Variants in IL12RB1 observed in about 807,000 individuals in gnomAD.
The protein encoded by IL12RB1 is interleukin 12 receptor subunit beta 1, also known as interleukin-12 receptor subunit beta-1.
In IL12RB1, 64 loss-of-function variants were observed where a neutral mutation model predicts 94.4. That is an observed-to-expected ratio of 0.68 (90% CI 0.55 to 0.83). The LOEUF (loss-of-function observed/expected upper bound fraction) is 0.83. Ranked by LOEUF, IL12RB1 falls within the 40% of genes least tolerant of loss-of-function variation. The probability of loss-of-function intolerance (pLI) is 0.00; values close to 1 mark genes in which losing one functional copy is unlikely to be tolerated. For synonymous variants in IL12RB1, 362 were observed against 355.5 expected (o/e 1.02, Z -0.21); for missense variants, 814 against 855.6 (o/e 0.95, Z 0.61).
At chr19:18,080,664 A>G (rs889090795) in intron 4 of IL12RB1, among the ~76,000 whole-genome samples, 168 bp downstream of exon 4, 2 of 152,224 alleles carry the variant, frequency 1.3e-5, no homozygotes, top group Non-Finnish European at 1.5e-5. Flanking sequence ...TAAGGGGACC[A>G]TGAAAGACTG....
At chr19:18,064,420 T>A (rs1013371682) in intron 12 of IL12RB1, among the ~76,000 whole-genome samples, 9 of 151,426 alleles carry the variant, frequency 5.9e-5, no homozygotes, top group Non-Finnish European at 1.3e-4. Context: ...ATTACAGGTG[T>A]GAGCCACCAA....
At chr19:18,062,064 C>A in intron 14 of IL12RB1, 117 bp downstream of exon 14, 1 of 706,902 alleles carries the variant, frequency 1.4e-6, no homozygotes, top group Non-Finnish European at 2.5e-6. Context: ...CTGGCTTGCC[C>A]TTGAATTATT....
chr19:18,063,843 G>A (rs1467077951), intron 13 of IL12RB1, 33 bp downstream of exon 13: 1 of 1,600,950 alleles, frequency 6.2e-7, no homozygotes, highest in East Asian at 2.2e-5. Flanking sequence ...GTGCATGCTG[G>A]GTAAATAACT....
upstream of IL12RB1, among the ~76,000 whole-genome samples, chr19:18,089,422 C>T (rs904346277): frequency 6.6e-6 from 1 of 151,862 alleles, no homozygotes; most frequent in Non-Finnish European, 1.5e-5. Flanking sequence ...GTCAGGAGTT[C>T]GAGACCAGCC....
At chr19:18,077,291 G>C (rs954679857) in intron 5 of IL12RB1, among the ~76,000 whole-genome samples, 3 of 152,054 alleles carry the variant, frequency 2.0e-5, no homozygotes, top group Non-Finnish European at 4.4e-5. Flanking sequence ...GAACCCGGGA[G>C]GCAGAGGTTG....
chr19:18,067,027 T>TAA (rs34124195), intron 11 of IL12RB1, among the ~76,000 whole-genome samples: 3 of 129,564 alleles, frequency 2.3e-5, no homozygotes, highest in African/African-American at 6.3e-5. Flanking sequence ...ACCCTGTCTT[T>TAA]AAAAAAAAAA....
rs147215816 is a variant in IL12RB1 at position 18,080,970 on chromosome 19, C to T, written c.271G>A (p.Ala91Thr). The change falls in exon 4 of 17, where the codon GCC becomes ACC. Residue 91 changes from alanine to threonine, a missense_variant. Physicochemically the swap from Ala to Thr is moderately conservative, Grantham distance 58. Coordinates refer to ENST00000593993, the MANE Select transcript of IL12RB1 (RefSeq NM_005535.3). ...AACTGCAGCCTGGTGGCTGAGCCGG[C>T]GGCGAAGTAGCAGCAGCGCCCGGAG... is the stretch of plus-strand genomic sequence containing the variant. ...LSSGRCCYFA[A>T]GSATRLQFSD... 8.5e-4 allele frequency: 1,367 copies of T among 1,613,386 alleles called. 32 individuals are homozygous for T. The East Asian group carries it at 0.028, about 33-fold the overall frequency.
In IL12RB1 at chr19:18,061,253, C is replaced by T. The variant is rs752528790; in HGVS notation, c.1716-56G>A. The T allele has an allele frequency of 6.0e-4, 500 of 829,664 alleles. 3 individuals carry two copies. Among genetic ancestry groups the T allele is most frequent in the Non-Finnish European group, 8.2e-4 (427 of 522,182 alleles). The allele number at this position is 829,664 out of a possible 1,614,324, so 51.4% of individuals were successfully genotyped here. A position where few individuals can be genotyped will look rare whatever the true frequency, so the allele number is the denominator to read the frequency against. ...CTGAGGTTTTTTTTTTTTTTGGAGA[C>T]GGAGTCTTGCTCTGTTGCCCAGGCT... On this transcript the variant is annotated intron_variant, in intron 14 of 16. Coordinates refer to ENST00000593993, the MANE Select transcript of IL12RB1 (RefSeq NM_005535.3).
intron 3 of IL12RB1, among the ~76,000 whole-genome samples, chr19:18,081,699 A>G (rs907050531): frequency 6.6e-6 from 1 of 151,938 alleles, no homozygotes; most frequent in Non-Finnish European, 1.5e-5. Flanking sequence ...GTGTGCCTAT[A>G]GTCCCAGCTA....
At position 18,078,101 on chromosome 19, in the gene IL12RB1, C is replaced by T. The variant is rs571410019; in HGVS notation, c.410-446G>A. Among the ~76,000 whole-genome samples, 74 of 152,154 alleles carry T rather than the reference C, an allele frequency of 4.9e-4. 1 individual carries two copies. The highest frequency in any genetic ancestry group is 3.4e-3 in the Middle Eastern group (1 of 294). On this transcript the variant is annotated intron_variant, in intron 4 of 16. Transcript: ENST00000593993. ...TCCAATCTAGGAGAGAGAGGGAGAACTTGTCTCTAAAAAAACAACAAATAT... is the reference window on the plus strand; with the variant it reads ...TCCAATCTAGGAGAGAGAGGGAGAATTTGTCTCTAAAAAAACAACAAATAT...
Position 18,082,268 on chromosome 19 carries a change from G to T in IL12RB1, c.125-4C>A. ...TCCCTAGGGCCCGAGGCCGAGCCTG[G>T]AAGAGATCCTGTAGGCTTGGGAACA... On this transcript the variant is annotated splice_region_variant and splice_polypyrimidine_tract_variant and intron_variant, in intron 2 of 16. Transcript: ENST00000593993. 1 of 1,577,024 alleles carries T rather than the reference G, an allele frequency of 6.3e-7. No individual in the cohort carries two copies.
chr19:18,088,388 A>AATAT (rs372635550), upstream of IL12RB1, among the ~76,000 whole-genome samples: 35 of 108,522 alleles, frequency 3.2e-4, 1 homozygote, highest in South Asian at 8.0e-3. Flanking sequence ...TCCATCTCAA[A>AATAT]ATATATATAT....
chr19:18,083,451 T>C lies in IL12RB1; in HGVS notation c.105A>G (p.Pro35=), dbSNP rs146629359. 6.2e-7 allele frequency: 1 copy of C among 1,614,042 alleles called. No homozygotes were observed. The highest frequency in any genetic ancestry group is 8.5e-7 in the Non-Finnish European group (1 of 1,179,988). The change falls in exon 2 of 17, where the codon CCA becomes CCG. Residue 35 remains proline, a synonymous_variant. Transcript: ENST00000593993. ...CCGAACCTGAGTCTGCATCCGGATA[T>C]GGCGGGTCCTGAAAACAGCACTCAC... is the stretch of plus-strand genomic sequence containing the variant. ...RTSECCFQDP[P]YPDADSGSAS...
At chr19:18,083,746 A>T (rs1411727180) in intron 1 of IL12RB1, among the ~76,000 whole-genome samples, 1 of 141,174 alleles carries the variant, frequency 7.1e-6, no homozygotes, top group Non-Finnish European at 1.5e-5. Context: ...CCATTCACCC[A>T]TCCATCCATC....
In IL12RB1 at chr19:18,073,503, G is replaced by A; in HGVS notation, c.783+14C>T. The A allele has an allele frequency of 6.4e-7, 1 of 1,561,158 alleles. No homozygotes were observed. The highest frequency in any genetic ancestry group is 8.8e-7 in the Non-Finnish European group (1 of 1,132,008). ...ATCCCAGGCCACCCCACAGCCCTGT[G>A]ACAGCCCCGTTACCTGCTCTTTCAG... On this transcript the variant is annotated intron_variant, in intron 8 of 16. Coordinates refer to ENST00000593993, the MANE Select transcript of IL12RB1 (RefSeq NM_005535.3).
At chr19:18,087,266 G>A (rs2036410247), upstream of IL12RB1, among the ~76,000 whole-genome samples, 1 of 151,112 alleles carries the variant, frequency 6.6e-6, no homozygotes, top group Admixed American at 6.6e-5. Flanking sequence ...CTGGAGTGTG[G>A]TGGCATGATC....
intron 1 of IL12RB1, 139 bp from the exon 2 acceptor site, chr19:18,083,630 C>A (rs979450189): frequency 6.6e-6 from 5 of 754,514 alleles, no homozygotes; most frequent in Non-Finnish European, 1.2e-5. Context: ...CTCCTACCAC[C>A]ACCCATCCAT....
intron 1 of IL12RB1, 31 bp from the exon 2 acceptor site, chr19:18,083,522 C>T (rs1444175575): frequency 6.2e-7 from 1 of 1,610,770 alleles, no homozygotes; most frequent in East Asian, 2.2e-5. Context: ...TAATGACATT[C>T]CTGGCCTTGC....
rs761367526 is a variant in IL12RB1, at chr19:18,083,427, C to A, written c.124+5G>T. The A allele has an allele frequency of 1.9e-6, 3 of 1,613,954 alleles. No homozygotes were observed. The highest frequency in any genetic ancestry group is 2.5e-6 in the Non-Finnish European group (3 of 1,179,870). The stretch of plus-strand genomic sequence containing the variant: ...CTCAGCCAACAATGAGGAACTGCCC[C>A]GAACCTGAGTCTGCATCCGGATATG... On this transcript the variant is annotated splice_donor_5th_base_variant and intron_variant, in intron 2 of 16. Coordinates refer to ENST00000593993, the MANE Select transcript of IL12RB1 (RefSeq NM_005535.3).
Sources: gnomAD v4.1 joint callset for allele counts (sites outside exome capture counted in the v4.1 genomes callset) on GRCh38, gnomAD v4.1.1 for gene constraint, MANE v1.5 for transcripts, NCBI Gene and HGNC (gene_info 2026-07-23, HGNC 2026-07-21) for gene names.